Variants in IGSF21 observed in about 807,000 individuals in gnomAD.
The protein encoded by IGSF21 is immunoglobin superfamily member 21.
A neutral mutation model predicts 46.8 loss-of-function variants in IGSF21; 28 were observed. That is an observed-to-expected ratio of 0.60 (90% CI 0.44 to 0.82). IGSF21 has a LOEUF of 0.82. IGSF21 is among the 40% of genes least tolerant of loss of function. The pLI is 0.00. For synonymous variants in IGSF21, 284 were observed against 273.6 expected, an observed-to-expected ratio of 1.04 and a Z score of -0.38; for missense variants, 624 against 665.5, an observed-to-expected ratio of 0.94 and a Z score of 0.69.
chr1:18,265,558 G>C (rs1330795182), intron 2 of IGSF21, among the ~76,000 whole-genome samples: 2 of 152,142 alleles, frequency 1.3e-5, no homozygotes, highest in Non-Finnish European at 2.9e-5. Context: ...TCCTTGGGGA[G>C]CCCCTTTCTT....
chr1:18,287,891 G>A (rs77287340), intron 2 of IGSF21, among the ~76,000 whole-genome samples: 3,520 of 152,250 alleles, frequency 0.023, 41 homozygotes, highest in Middle Eastern at 0.065. Flanking sequence ...CACATCCTCT[G>A]GCATTTTAGC....
In IGSF21 at chr1:18,230,930, GC is replaced by G. The variant is rs1215883065; in HGVS notation, c.183+2926del. On this transcript the variant is annotated intron_variant, in intron 2 of 9. Coordinates refer to ENST00000251296, the MANE Select transcript of IGSF21 (RefSeq NM_032880.5). ...CCCCATCTCCCTCTCCCCGCAGCCT[GC>G]CCCCCTCCTCCAAGCAGGGAGCTGC... Among the ~76,000 whole-genome samples the G allele has an allele frequency of 4.6e-5, 7 of 150,724 alleles. No individual in the cohort carries two copies. In the South Asian group the frequency reaches 1.3e-3, roughly 27 times the overall value.
At chr1:18,345,725 G>C (rs767243262) in intron 4 of IGSF21, among the ~76,000 whole-genome samples, 1 of 152,146 alleles carries the variant, frequency 6.6e-6, no homozygotes, top group Non-Finnish European at 1.5e-5. Flanking sequence ...ACCAGGGACT[G>C]TTCTGCTTAA....
At chr1:18,219,199 G>T (rs1386670065) in intron 1 of IGSF21, among the ~76,000 whole-genome samples, 2 of 152,194 alleles carry the variant, frequency 1.3e-5, no homozygotes, top group African/African-American at 4.8e-5. Context: ...AGAGTGACAG[G>T]GGTGCTATTT....
chr1:18,355,456 C>T (rs1192826117), intron 4 of IGSF21, among the ~76,000 whole-genome samples: 1 of 152,184 alleles, frequency 6.6e-6, no homozygotes, highest in Non-Finnish European at 1.5e-5. Context: ...AAAATAACTT[C>T]AACTCCTGCC....
chr1:18,154,708 G>A (rs2086552935), intron 1 of IGSF21, among the ~76,000 whole-genome samples: 1 of 152,026 alleles, frequency 6.6e-6, no homozygotes, highest in African/African-American at 2.4e-5. Context: ...GAGAACACAA[G>A]AGCTAAACTA....
At chr1:18,301,414 G>A (rs1029503972) in intron 3 of IGSF21, among the ~76,000 whole-genome samples, 4 of 152,120 alleles carry the variant, frequency 2.6e-5, no homozygotes, top group African/African-American at 4.8e-5. Context: ...ATCTCAGCTC[G>A]CTGCAACCTC....
intron 1 of IGSF21, among the ~76,000 whole-genome samples, chr1:18,154,155 C>T (rs1456573216): frequency 1.3e-5 from 2 of 152,166 alleles, no homozygotes; most frequent in Non-Finnish European, 2.9e-5. Flanking sequence ...CCCCAGTCCC[C>T]ACCCTTCCCT....
chr1:18,183,239 TAATAA>T (rs1462923839), intron 1 of IGSF21, among the ~76,000 whole-genome samples: 1 of 152,188 alleles, frequency 6.6e-6, no homozygotes, highest in Non-Finnish European at 1.5e-5. Context: ...TTATAGAATA[TAATAA>T]AATAAAACAG....
intron 5 of IGSF21, among the ~76,000 whole-genome samples, chr1:18,363,707 C>T (rs80203060): frequency 1.7e-5 from 2 of 115,362 alleles, no homozygotes; most frequent in South Asian, 3.0e-4. Flanking sequence ...GCAGAGGTGC[C>T]GAGACACAGG....
rs141557848 is a variant in IGSF21 at position 18,287,781 on chromosome 1, T to C, written c.184-4085T>C. ...CTACTAGCAAATTCTCGGTCCCTGCTCTCTGCACCCCACTCCTTATAGACA... is the reference window on the plus strand; with the variant it reads ...CTACTAGCAAATTCTCGGTCCCTGCCCTCTGCACCCCACTCCTTATAGACA... On this transcript the variant is annotated intron_variant, in intron 2 of 9. Transcript: ENST00000251296. Among the ~76,000 whole-genome samples, 508 of 152,276 alleles carry C rather than the reference T, an allele frequency of 3.3e-3. 4 individuals are homozygous for C. Among genetic ancestry groups the C allele is most frequent in the African/African-American group, 0.012 (483 of 41,562 alleles).
At chr1:18,359,546 G>C (rs1231955061) in intron 4 of IGSF21, among the ~76,000 whole-genome samples, 1 of 151,158 alleles carries the variant, frequency 6.6e-6, no homozygotes, top group South Asian at 2.1e-4. Context: ...AAGGTTCTAG[G>C]TGTCTGATCT....
intron 1 of IGSF21, among the ~76,000 whole-genome samples, chr1:18,198,848 G>A (rs1570327146): frequency 6.6e-6 from 1 of 152,230 alleles, no homozygotes; most frequent in East Asian, 1.9e-4. Flanking sequence ...GGGAGTAATA[G>A]GCTTTGTTAT....
At chr1:18,186,767 A>G (rs1363885656) in intron 1 of IGSF21, among the ~76,000 whole-genome samples, 1 of 152,088 alleles carries the variant, frequency 6.6e-6, no homozygotes, top group Admixed American at 6.5e-5. Context: ...GTGGCTTTGC[A>G]TATGCCTTTC....
At chr1:18,220,690 T>C (rs945282939) in intron 1 of IGSF21, among the ~76,000 whole-genome samples, 3 of 151,530 alleles carry the variant, frequency 2.0e-5, no homozygotes, top group Non-Finnish European at 4.4e-5. Flanking sequence ...ACTATGGAAG[T>C]TTGAGGAGTT....
intron 1 of IGSF21, among the ~76,000 whole-genome samples, chr1:18,160,081 A>G (rs2086603851): frequency 6.6e-6 from 1 of 152,142 alleles, no homozygotes; most frequent in Admixed American, 6.5e-5. Flanking sequence ...ACAAATTCAG[A>G]AGCATTTCTG....
At chr1:18,146,084 T>G (rs1329747404) in intron 1 of IGSF21, among the ~76,000 whole-genome samples, 1 of 152,050 alleles carries the variant, frequency 6.6e-6, no homozygotes, top group Non-Finnish European at 1.5e-5. Flanking sequence ...TGTTTACATA[T>G]CCATCTAAAG....
intron 3 of IGSF21, among the ~76,000 whole-genome samples, chr1:18,325,935 A>AACC (rs549955701): frequency 0.091 from 13,907 of 152,164 alleles, 1,729 homozygotes; most frequent in African/African-American, 0.28. Flanking sequence ...CTGGGTCACT[A>AACC]GGCCAAGCTA....
intron 1 of IGSF21, among the ~76,000 whole-genome samples, chr1:18,217,194 T>C (rs1456533439): frequency 6.6e-6 from 1 of 152,126 alleles, no homozygotes; most frequent in African/African-American, 2.4e-5. Flanking sequence ...ATAAGGGTCC[T>C]TGAATTCTTG....
Sources: gnomAD v4.1 joint callset for allele counts (sites outside exome capture counted in the v4.1 genomes callset) on GRCh38, gnomAD v4.1.1 for gene constraint, MANE v1.5 for transcripts, NCBI Gene and HGNC (gene_info 2026-07-23, HGNC 2026-07-21) for gene names.